The following INHBB variants were observed in gnomAD, a reference collection of about 807,000 sequenced individuals.
INHBB encodes the protein inhibin subunit beta B.
Under a neutral mutation model 28.9 loss-of-function variants are expected in INHBB, and 8 were observed. The observed-to-expected ratio is 0.28, with a 90% CI of 0.16 to 0.50. INHBB has a LOEUF of 0.50. Ranked by LOEUF, INHBB falls within the 20% of genes least tolerant of loss-of-function variation. INHBB has a pLI of 0.98. For synonymous variants in INHBB, 293 were observed against 262.7 expected, an observed-to-expected ratio of 1.12 and a Z score of -1.12; for missense variants, 499 against 597.8, an observed-to-expected ratio of 0.83 and a Z score of 1.72.
rs1163508993 is a variant in INHBB at position 120,349,902 on chromosome 2, G to C, written c.*28G>C. ...GTGCAAGGCAGGGGCACGGTGGTGG[G>C]GCACGGAGGGCAGTCCCGGGTGGGC... is the stretch of plus-strand genomic sequence containing the variant. On this transcript the variant is annotated 3_prime_UTR_variant, in exon 2 of 2. Transcript: ENST00000295228. The surrounding 1 kb of genome is among the most constrained non-coding windows in gnomAD (Gnocchi z 5.6). 1 of 1,584,366 alleles carries C rather than the reference G, an allele frequency of 6.3e-7. No individual in the cohort carries two copies.
In INHBB at chr2:120,346,171, C is replaced by A. The variant is rs866364148; in HGVS notation, c.-18C>A. Reference sequence around the variant, plus strand: ...CGGCTCGCCTCGCGGCGGGCGCCCTCGTCGCCAGCGGCGCACCATGGACGG... The same window carrying A: ...CGGCTCGCCTCGCGGCGGGCGCCCTAGTCGCCAGCGGCGCACCATGGACGG... On this transcript the variant is annotated 5_prime_UTR_variant, in exon 1 of 2. Coordinates refer to ENST00000295228, the MANE Select transcript of INHBB (RefSeq NM_002193.4). The A allele has an allele frequency of 8.7e-7, 1 of 1,147,892 alleles. No individual in the cohort carries two copies. Among genetic ancestry groups the A allele is most frequent in the Admixed American group, 4.8e-5 (1 of 20,688 alleles). 71.1% of individuals were successfully genotyped at this position (1,147,892 alleles called of 1,614,324 possible).
At position 120,350,784 on chromosome 2, in the gene INHBB, A is replaced by G. The variant is rs2104575855; in HGVS notation, c.*910A>G. 6.6e-6 allele frequency: 1 copy of G among 152,404 alleles called. No individual in the cohort carries two copies. The highest frequency in any genetic ancestry group is 1.9e-4 in the East Asian group (1 of 5,190). 9.4% of individuals were successfully genotyped at this position (152,404 alleles called of 1,614,324 possible). On this transcript the variant is annotated 3_prime_UTR_variant, in exon 2 of 2. Transcript: ENST00000295228. ...CTAAATGGAAAGAAAAAAAGTTGCA[A>G]TCTGTGCCCTTCATTGGGGACATTC...
chr2:120,349,315 A>G lies in INHBB; in HGVS notation c.665A>G (p.Lys222Arg), dbSNP rs758941360. ...WNMVEKRVDL[K>R]RSGWHTFPLT... Reference sequence around the variant, plus strand: ...ATGGTGGAGAAGAGGGTGGACCTCAAGCGCAGCGGCTGGCATACCTTCCCA... The same window carrying G: ...ATGGTGGAGAAGAGGGTGGACCTCAGGCGCAGCGGCTGGCATACCTTCCCA... The change falls in exon 2 of 2, where the codon AAG becomes AGG. Residue 222 changes from lysine to arginine, a missense_variant. This residue lies in a region of INHBB where 385 missense variants were observed against 415.2 expected (regional missense o/e 0.93). Transcript: ENST00000295228. The surrounding 1 kb of genome is among the most constrained non-coding windows in gnomAD (Gnocchi z 5.6). 3.1e-6 allele frequency: 5 copies of G among 1,614,152 alleles called. No individual in the cohort carries two copies. The South Asian group carries it at 5.5e-5, about 18-fold the overall frequency.
Position 120,346,441 on chromosome 2 carries a change from C to G in INHBB, c.253C>G (p.Arg85Gly). 1 of 1,554,758 alleles carries G rather than the reference C, an allele frequency of 6.4e-7. No homozygotes were observed. The highest frequency in any genetic ancestry group is 1.9e-5 in the Admixed American group (1 of 53,140). The change falls in exon 1 of 2, where the codon CGC becomes GGC. Residue 85 changes from arginine (R) to glycine (G), a missense_variant. Coordinates refer to ENST00000295228, the MANE Select transcript of INHBB (RefSeq NM_002193.4). Reference protein sequence around the residue: ...LEAVKRHILSRLQMRGRPNIT... With the variant: ...LEAVKRHILSGLQMRGRPNIT... ...GGCGGTGAAGCGGCACATCTTGAGC[C>G]GCCTGCAGATGCGGGGCCGGCCCAA...
chr2:120,346,520 A>G lies in INHBB; in HGVS notation c.332A>G (p.His111Arg). The G allele has an allele frequency of 1.3e-6, 2 of 1,533,842 alleles. No homozygotes were observed. Among genetic ancestry groups the G allele is most frequent in the Non-Finnish European group, 1.7e-6 (2 of 1,147,390 alleles). ...AAMVTALRKL[H>R]AGKVREDGRV... is the part of the protein sequence containing the mutation. Reference sequence around the variant, plus strand: ...ATGGTCACGGCCCTGCGCAAGCTGCACGCGGGCAAGGTGCGCGAGGACGGC... The same window carrying G: ...ATGGTCACGGCCCTGCGCAAGCTGCGCGCGGGCAAGGTGCGCGAGGACGGC... Residue 111 changes from histidine to arginine, a missense_variant, in exon 1 of 2, where the codon CAC (histidine) becomes CGC (arginine). Physicochemically the swap from His to Arg is conservative, Grantham distance 29. This residue lies in a region of INHBB where 385 missense variants were observed against 415.2 expected (regional missense o/e 0.93). Coordinates refer to ENST00000295228, the MANE Select transcript of INHBB (RefSeq NM_002193.4).
Position 120,346,571 on chromosome 2 carries a change from G to C in INHBB, c.383G>C (p.Gly128Ala), listed in dbSNP as rs748697458. The change falls in exon 1 of 2, where the codon GGC (glycine) becomes GCC (alanine). Residue 128 changes from glycine (G) to alanine (A), a missense_variant. By Grantham distance (60) the Gly-to-Ala change is moderately conservative. Around this residue, in one of 2 missense-constraint regions of INHBB, gnomAD observed 385 missense variants for 415.2 expected, o/e 0.93. Coordinates refer to ENST00000295228, the MANE Select transcript of INHBB (RefSeq NM_002193.4). ...DGRVEIPHLD[G>A]HASPGADGQE... Reference sequence around the variant, plus strand: ...CGCGTGGAGATCCCGCACCTCGACGGCCACGCCAGCCCGGGCGCCGACGGC... The same window carrying C: ...CGCGTGGAGATCCCGCACCTCGACGCCCACGCCAGCCCGGGCGCCGACGGC... The C allele has an allele frequency of 2.0e-4, 295 of 1,479,320 alleles. 1 individual carries two copies. The highest frequency in any genetic ancestry group is 2.4e-4 in the Non-Finnish European group (265 of 1,122,264). The allele number at this position is 1,479,320 out of a possible 1,614,324, so 91.6% of individuals were successfully genotyped here.
In INHBB at chr2:120,351,653, A is replaced by G. The variant is rs1368215576; in HGVS notation, c.*1779A>G. ...TGACTATGATAGAATGCAGGTGTGT[A>G]TCCTTAAATCCTCATCTTTATGTTT... On this transcript the variant is annotated 3_prime_UTR_variant, in exon 2 of 2. Coordinates refer to ENST00000295228, the MANE Select transcript of INHBB (RefSeq NM_002193.4). 1 of 152,252 alleles carries G rather than the reference A, an allele frequency of 6.6e-6. No homozygotes were observed. The highest frequency in any genetic ancestry group is 1.5e-5 in the Non-Finnish European group (1 of 68,042). 9.4% of individuals were successfully genotyped at this position (152,252 alleles called of 1,614,324 possible). A position where few individuals can be genotyped will look rare whatever the true frequency, so the allele number is the denominator to read the frequency against.
At position 120,348,867 on chromosome 2, in the gene INHBB, C is replaced by T. The variant is rs1390510424; in HGVS notation, c.449-232C>T. On this transcript the variant is annotated intron_variant, in intron 1 of 1. Coordinates refer to ENST00000295228, the MANE Select transcript of INHBB (RefSeq NM_002193.4). The stretch of plus-strand genomic sequence containing the variant: ...GAGAGGTGAGGCAGGATTTTATAGG[C>T]GCGGACCCTCCAGCCCCAGCCTGGT... Among the ~76,000 whole-genome samples, 7 of 152,054 alleles carry T rather than the reference C, an allele frequency of 4.6e-5. 1 individual carries two copies. In the South Asian group the frequency reaches 6.2e-4, roughly 14 times the overall value.
Position 120,349,774 on chromosome 2 carries a change from C to G in INHBB, c.1124C>G (p.Thr375Ser). The change falls in exon 2 of 2, where the codon ACC becomes AGC. Residue 375 changes from threonine (T) to serine (S), a missense_variant. Physicochemically the swap from Thr to Ser is moderately conservative, Grantham distance 58 (BLOSUM62 1). Around this residue, in one of 2 missense-constraint regions of INHBB, gnomAD observed 114 missense variants for 182.6 expected, o/e 0.62. Coordinates refer to ENST00000295228, the MANE Select transcript of INHBB (RefSeq NM_002193.4). This position sits in a 1 kb window ranked among gnomAD's most constrained non-coding sequence, Gnocchi z 5.6. ...PGTVNSCCIPTKLSTMSMLYF... is the reference protein window; with the variant it reads ...PGTVNSCCIPSKLSTMSMLYF... The stretch of plus-strand genomic sequence containing the variant: ...ACGGTGAACTCCTGCTGCATTCCCA[C>G]CAAGCTGAGCACCATGTCCATGCTG... 1 of 1,613,436 alleles carries G rather than the reference C, an allele frequency of 6.2e-7. No individual in the cohort carries two copies. Among genetic ancestry groups the G allele is most frequent in the Non-Finnish European group, 8.5e-7 (1 of 1,180,046 alleles).
chr2:120,350,863 A>G lies in INHBB; in HGVS notation c.*989A>G, dbSNP rs1467074622. On this transcript the variant is annotated 3_prime_UTR_variant, in exon 2 of 2. Coordinates refer to ENST00000295228, the MANE Select transcript of INHBB (RefSeq NM_002193.4). ...AATGACCCCTAGGCAAGGGGATGAGACCGCAGGAGGAAATGGCGGGGAGGA... is the reference window on the plus strand; with the variant it reads ...AATGACCCCTAGGCAAGGGGATGAGGCCGCAGGAGGAAATGGCGGGGAGGA... 1 of 152,596 alleles carries G rather than the reference A, an allele frequency of 6.6e-6. No homozygotes were observed. The highest frequency in any genetic ancestry group is 2.4e-5 in the African/African-American group (1 of 41,460). 9.5% of individuals were successfully genotyped at this position (152,596 alleles called of 1,614,324 possible). A position where few individuals can be genotyped will look rare whatever the true frequency, so the allele number is the denominator to read the frequency against.
Position 120,349,605 on chromosome 2 carries a change from G to A in INHBB, c.955G>A (p.Asp319Asn). 6.2e-7 allele frequency: 1 copy of A among 1,613,820 alleles called. No individual in the cohort carries two copies. The highest frequency in any genetic ancestry group is 8.5e-7 in the Non-Finnish European group (1 of 1,180,026). The change falls in exon 2 of 2, where the codon GAC becomes AAC. Residue 319 changes from aspartate to asparagine, a missense_variant. Physicochemically the swap from Asp to Asn is conservative, Grantham distance 23. Around this residue, in one of 2 missense-constraint regions of INHBB, gnomAD observed 114 missense variants for 182.6 expected, o/e 0.62. Coordinates refer to ENST00000295228, the MANE Select transcript of INHBB (RefSeq NM_002193.4). The surrounding 1 kb of genome is among the most constrained non-coding windows in gnomAD (Gnocchi z 5.6). ...TGACTTCCGCCTCATCGGCTGGAAC[G>A]ACTGGATCATAGCACCCACCGGCTA... ...FIDFRLIGWNDWIIAPTGYYG... is the reference protein window; with the variant it reads ...FIDFRLIGWNNWIIAPTGYYG...
At position 120,349,849 on chromosome 2, in the gene INHBB, T is replaced by G; in HGVS notation, c.1199T>G (p.Ile400Ser). 1.2e-6 allele frequency: 2 copies of G among 1,611,884 alleles called. No homozygotes were observed. The highest frequency in any genetic ancestry group is 1.7e-6 in the Non-Finnish European group (2 of 1,179,130). Residue 400 changes from isoleucine to serine, a missense_variant, in exon 2 of 2, where the codon ATT becomes AGT. Ile to Ser is a moderately radical substitution (Grantham distance 142, BLOSUM62 -2). Around this residue, in one of 2 missense-constraint regions of INHBB, gnomAD observed 114 missense variants for 182.6 expected, o/e 0.62. Coordinates refer to ENST00000295228, the MANE Select transcript of INHBB (RefSeq NM_002193.4). This position sits in a 1 kb window ranked among gnomAD's most constrained non-coding sequence, Gnocchi z 5.6. ...NIVKRDVPNM[I>S]VEECGCA Reference sequence around the variant, plus strand: ...GTCAAGCGGGACGTGCCCAACATGATTGTGGAGGAGTGCGGCTGCGCCTGA... The same window carrying G: ...GTCAAGCGGGACGTGCCCAACATGAGTGTGGAGGAGTGCGGCTGCGCCTGA...
At position 120,346,299 on chromosome 2, in the gene INHBB, C is replaced by T. The variant is rs1482759109; in HGVS notation, c.111C>T (p.Ala37=). 3 of 1,378,642 alleles carry T rather than the reference C, an allele frequency of 2.2e-6. No individual in the cohort carries two copies. The highest frequency in any genetic ancestry group is 3.7e-5 in the Admixed American group (1 of 27,234). 85.4% of individuals were successfully genotyped at this position (1,378,642 alleles called of 1,614,324 possible). A position where few individuals can be genotyped will look rare whatever the true frequency, so the allele number is the denominator to read the frequency against. The change falls in exon 1 of 2, where the codon GCC becomes GCT. Residue 37 remains alanine, a synonymous_variant. Transcript: ENST00000295228. Reference sequence around the variant, plus strand: ...CACCCACGCCCCCGCCGACGCCTGCCGCGCCGCCGCCACCCCCGCCACCCG... The same window carrying T: ...CACCCACGCCCCCGCCGACGCCTGCTGCGCCGCCGCCACCCCCGCCACCCG... ...WGSPTPPPTP[A]APPPPPPPGS...
Position 120,346,533 on chromosome 2 carries a change from G to A in INHBB, c.345G>A (p.Val115=), listed in dbSNP as rs753850242. Residue 115 remains valine, a synonymous_variant, in exon 1 of 2, where the codon GTG becomes GTA. Coordinates refer to ENST00000295228, the MANE Select transcript of INHBB (RefSeq NM_002193.4). The part of the protein sequence containing the change: ...TALRKLHAGK[V]REDGRVEIPH... ...TGCGCAAGCTGCACGCGGGCAAGGT[G>A]CGCGAGGACGGCCGCGTGGAGATCC... 2 of 1,524,430 alleles carry A rather than the reference G, an allele frequency of 1.3e-6. No individual in the cohort carries two copies. Among genetic ancestry groups the A allele is most frequent in the Non-Finnish European group, 1.8e-6 (2 of 1,142,270 alleles). The allele number at this position is 1,524,430 out of a possible 1,614,324, so 94.4% of individuals were successfully genotyped here.
rs572457729 is a variant in INHBB, at chr2:120,350,076, C to G, written c.*202C>G. On this transcript the variant is annotated 3_prime_UTR_variant, in exon 2 of 2. Coordinates refer to ENST00000295228, the MANE Select transcript of INHBB (RefSeq NM_002193.4). Reference sequence around the variant, plus strand: ...TCAAAACCAGAGCGAGAACCCTCAACTGACATGAAATACTTTAAAATGCAC... The same window carrying G: ...TCAAAACCAGAGCGAGAACCCTCAAGTGACATGAAATACTTTAAAATGCAC... 1.1e-4 allele frequency: 65 copies of G among 589,492 alleles called. No individual in the cohort carries two copies. Among genetic ancestry groups the G allele is most frequent in the Admixed American group, 9.7e-4 (30 of 30,800 alleles). The allele number at this position is 589,492 out of a possible 1,614,324, so 36.5% of individuals were successfully genotyped here.
chr2:120,346,680 C>T, intron 1 of INHBB, 44 bp downstream of exon 1: 1 of 1,381,628 alleles, frequency 7.2e-7, no homozygotes, highest in Non-Finnish European at 9.3e-7. Context: ...CCCGCTCGCT[C>T]CCGCTCTCCC....
chr2:120,346,653 G>A lies in INHBB; in HGVS notation c.448+17G>A. 1.4e-6 allele frequency: 2 copies of A among 1,414,600 alleles called. No individual in the cohort carries two copies. Among genetic ancestry groups the A allele is most frequent in the Non-Finnish European group, 1.8e-6 (2 of 1,090,242 alleles). The allele number at this position is 1,414,600 out of a possible 1,614,324, so 87.6% of individuals were successfully genotyped here. A position where few individuals can be genotyped will look rare whatever the true frequency, so the allele number is the denominator to read the frequency against. On this transcript the variant is annotated intron_variant, in intron 1 of 1. Transcript: ENST00000295228. ...CCGAGACAGGTGGGTCCGGCCCTCC[G>A]GCTGTCTGCCGCGGTCCCCGCTCGC... is the stretch of plus-strand genomic sequence containing the variant.
chr2:120,349,435 C>T lies in INHBB; in HGVS notation c.785C>T (p.Pro262Leu), dbSNP rs1316704448. 5 of 1,613,626 alleles carry T rather than the reference C, an allele frequency of 3.1e-6. No individual in the cohort carries two copies. Among genetic ancestry groups the T allele is most frequent in the African/African-American group, 1.3e-5 (1 of 74,906 alleles). ...AGCTGCCAGGAGCTGGCCGTGGTGCCGGTGTTCGTGGACCCAGGCGAAGAG... is the reference window on the plus strand; with the variant it reads ...AGCTGCCAGGAGCTGGCCGTGGTGCTGGTGTTCGTGGACCCAGGCGAAGAG... Reference protein sequence around the residue: ...CDSCQELAVVPVFVDPGEESH... With the variant: ...CDSCQELAVVLVFVDPGEESH... Residue 262 changes from proline (P) to leucine (L), a missense_variant, in exon 2 of 2, where the codon CCG becomes CTG. By Grantham distance (98) the Pro-to-Leu change is moderately conservative (BLOSUM62 -3). Around this residue, in one of 2 missense-constraint regions of INHBB, gnomAD observed 385 missense variants for 415.2 expected, o/e 0.93. Transcript: ENST00000295228. The surrounding 1 kb of genome is among the most constrained non-coding windows in gnomAD (Gnocchi z 5.6).
At position 120,350,152 on chromosome 2, in the gene INHBB, A is replaced by C. The variant is rs1294700062; in HGVS notation, c.*278A>C. ...TCCTGCCACCCACACAGCAGCCTCCAGGATACCAGCAAATGGATGCGGTGA... is the reference window on the plus strand; with the variant it reads ...TCCTGCCACCCACACAGCAGCCTCCCGGATACCAGCAAATGGATGCGGTGA... On this transcript the variant is annotated 3_prime_UTR_variant, in exon 2 of 2. Transcript: ENST00000295228. The C allele has an allele frequency of 2.2e-6, 1 of 445,470 alleles. No homozygotes were observed. The highest frequency in any genetic ancestry group is 4.0e-6 in the Non-Finnish European group (1 of 248,716). The allele number at this position is 445,470 out of a possible 1,614,324, so 27.6% of individuals were successfully genotyped here. A position where few individuals can be genotyped will look rare whatever the true frequency, so the allele number is the denominator to read the frequency against.
Sources: allele counts gnomAD v4.1 joint callset (sites outside exome capture counted in the v4.1 genomes callset), GRCh38; gene constraint gnomAD v4.1.1; regional missense constraint gnomAD v4.1.1; non-coding constraint Gnocchi (gnomAD v3.1); transcripts MANE v1.5; gene names NCBI Gene and HGNC (gene_info 2026-07-23, HGNC 2026-07-21).